DPP10: variants seen among roughly 807,000 people sequenced by gnomAD.
The protein encoded by DPP10 is inactive dipeptidyl peptidase 10.
Under a neutral mutation model 120.9 loss-of-function variants are expected in DPP10, and 33 were observed. The observed-to-expected ratio is 0.27, with a 90% CI of 0.21 to 0.37. DPP10 has a LOEUF of 0.37. Among genes scored for constraint, DPP10 ranks in the 10% least tolerant of loss-of-function variants. The pLI, the probability that DPP10 is intolerant of heterozygous loss-of-function variation, is 1.00. For synonymous variants in DPP10, 337 were observed against 326.1 expected (o/e 1.03, Z -0.36); for missense variants, 816 against 942.8 (o/e 0.87, Z 1.76).
At chr2:114,998,974 T>C (rs554486268) in intron 1 of DPP10, among the ~76,000 whole-genome samples, 2 of 152,308 alleles carry the variant, frequency 1.3e-5, no homozygotes, top group African/African-American at 4.8e-5. Flanking sequence ...TGACCCAAGA[T>C]AATCTCTCCA....
At chr2:114,807,380 C>T (rs940134691) in intron 1 of DPP10, among the ~76,000 whole-genome samples, 2 of 152,132 alleles carry the variant, frequency 1.3e-5, no homozygotes, top group African/African-American at 4.8e-5. Flanking sequence ...TCACCTCAAA[C>T]ATTTATTTTG....
rs556806842 is a variant in DPP10, at chr2:115,792,751, C to G, written c.1700+1395C>G. ...AGAAAGCAAAAATCAAACCCATCTT[C>G]TATCTCAGTCACGTCTCCCTTTGGT... On this transcript the variant is annotated intron_variant, in intron 19 of 25. Transcript: ENST00000410059. 3.3e-5 allele frequency among the ~76,000 whole-genome samples: 5 copies of G among 152,278 alleles called. No homozygotes were observed. The East Asian group carries it at 9.7e-4, about 29-fold the overall frequency.
chr2:115,284,599 A>T (rs1442206873), intron 1 of DPP10, among the ~76,000 whole-genome samples: 1 of 152,024 alleles, frequency 6.6e-6, no homozygotes, highest in Non-Finnish European at 1.5e-5. Context: ...AGAAAAAAGT[A>T]AATATATTCT....
chr2:115,516,578 T>TC (rs1558785554), intron 4 of DPP10, among the ~76,000 whole-genome samples: 1 of 150,214 alleles, frequency 6.7e-6, no homozygotes, highest in Admixed American at 6.6e-5. Flanking sequence ...TTCTTTGTTT[T>TC]TTTTTTTTTT....
intron 1 of DPP10, among the ~76,000 whole-genome samples, chr2:114,687,261 C>G (rs912467472): frequency 6.6e-6 from 1 of 151,924 alleles, no homozygotes; most frequent in African/African-American, 2.4e-5. Context: ...TTCTTTCTGG[C>G]TGCACCTGAG....
chr2:114,895,887 A>T lies in DPP10; in HGVS notation c.61-413352A>T, dbSNP rs149061930. 1.9e-3 allele frequency among the ~76,000 whole-genome samples: 292 copies of T among 152,286 alleles called. 6 individuals are homozygous for T. In the East Asian group the frequency reaches 0.047, roughly 25 times the overall value. ...CTATTATAAAAGTTGTAGGTCTTCA[A>T]TCCATCTTGAATTAATTTTTGTATA... On this transcript the variant is annotated intron_variant, in intron 1 of 25. Transcript: ENST00000410059.
chr2:115,472,904 A>G (rs568200741), intron 3 of DPP10, among the ~76,000 whole-genome samples: 1 of 152,286 alleles, frequency 6.6e-6, no homozygotes, highest in South Asian at 2.1e-4. Flanking sequence ...GAAGGCATGT[A>G]TTTGCCTGTT....
chr2:114,754,741 TA>T (rs72308219), intron 1 of DPP10, among the ~76,000 whole-genome samples: 4,998 of 152,312 alleles, frequency 0.033, 293 homozygotes, highest in African/African-American at 0.11. Flanking sequence ...ATGGCATTTC[TA>T]AGCATTGATT....
intron 1 of DPP10, among the ~76,000 whole-genome samples, chr2:115,099,374 C>T (rs2048570349): frequency 6.6e-6 from 1 of 152,078 alleles, no homozygotes; most frequent in African/African-American, 2.4e-5. Flanking sequence ...TTCCTTGTCC[C>T]CATTGTGAAA....
intron 1 of DPP10, among the ~76,000 whole-genome samples, chr2:115,170,126 T>C (rs2053208464): frequency 6.6e-6 from 1 of 152,322 alleles, no homozygotes; most frequent in East Asian, 1.9e-4. Context: ...CCTTTCTTGT[T>C]ATTGGAACAT....
intron 1 of DPP10, among the ~76,000 whole-genome samples, chr2:115,103,277 T>C (rs2104632743): frequency 7.2e-6 from 1 of 138,502 alleles, no homozygotes; most frequent in Non-Finnish European, 1.5e-5. Flanking sequence ...AAGCTCCCCC[T>C]CCCGGGTTCA....
chr2:115,629,447 TC>T (rs1457793369), intron 5 of DPP10, among the ~76,000 whole-genome samples: 2 of 152,082 alleles, frequency 1.3e-5, no homozygotes, highest in African/African-American at 4.8e-5. Context: ...GTAAAAGTGT[TC>T]CTATTTCTCC....
chr2:115,739,283 T>A (rs1676964986), intron 8 of DPP10, among the ~76,000 whole-genome samples: 2 of 152,010 alleles, frequency 1.3e-5, no homozygotes, highest in Admixed American at 1.3e-4. Flanking sequence ...AAATGAAAGA[T>A]ACCCAGTATA....
intron 1 of DPP10, among the ~76,000 whole-genome samples, chr2:114,487,748 A>G (rs1681635835): frequency 6.6e-6 from 1 of 152,212 alleles, no homozygotes; most frequent in Non-Finnish European, 1.5e-5. Context: ...TAAATATCAG[A>G]AGCTGATAAA....
At chr2:115,329,133 T>G (rs1003432056) in intron 2 of DPP10, among the ~76,000 whole-genome samples, 2 of 152,094 alleles carry the variant, frequency 1.3e-5, no homozygotes, top group Non-Finnish European at 2.9e-5. Flanking sequence ...GAGCAGAGTT[T>G]TGTGAGAAAA....
intron 2 of DPP10, chr2:115,342,093 TAA>T (rs1426418143): frequency 4.4e-6 from 2 of 450,390 alleles, no homozygotes; most frequent in Non-Finnish European, 8.9e-6. Context: ...ATTTTATGTT[TAA>T]GTGAGGCCTT....
chr2:115,270,499 A>T (rs894197121), intron 1 of DPP10, among the ~76,000 whole-genome samples: 1 of 152,136 alleles, frequency 6.6e-6, no homozygotes, highest in Non-Finnish European at 1.5e-5. Flanking sequence ...GACAACACAC[A>T]TGAAGAGGGG....
chr2:115,651,217 C>T (rs560904772), intron 5 of DPP10, among the ~76,000 whole-genome samples: 8 of 151,820 alleles, frequency 5.3e-5, no homozygotes, highest in African/African-American at 1.9e-4. Context: ...TAATTAAAAG[C>T]GAGAGAACAA....
At chr2:115,557,716 A>G (rs2080303343) in intron 5 of DPP10, among the ~76,000 whole-genome samples, 1 of 152,208 alleles carries the variant, frequency 6.6e-6, no homozygotes, top group Non-Finnish European at 1.5e-5. Context: ...ATGGATTACA[A>G]GGCTTTTGGT....
Sources: allele counts gnomAD v4.1 joint callset (sites outside exome capture counted in the v4.1 genomes callset), GRCh38; gene constraint gnomAD v4.1.1; transcripts MANE v1.5; gene names NCBI Gene and HGNC (gene_info 2026-07-23, HGNC 2026-07-21).